Variants in ATF7IP observed in about 807,000 individuals in gnomAD.
The protein encoded by ATF7IP is activating transcription factor 7-interacting protein 1.
ATF7IP carries 23 observed loss-of-function variants against 106.4 expected under a neutral mutation model. The observed-to-expected ratio is 0.22, with a 90% CI of 0.16 to 0.31. ATF7IP has a LOEUF of 0.31. Ranked by LOEUF, ATF7IP falls within the 10% of genes least tolerant of loss-of-function variation. ATF7IP has a pLI of 1.00. For missense variants in ATF7IP, 1,334 were observed against 1,524.3 expected, an observed-to-expected ratio of 0.88 and a Z score of 2.08; for synonymous variants, 542 against 539.0, an observed-to-expected ratio of 1.01 and a Z score of -0.08.
intron 1 of ATF7IP, among the ~76,000 whole-genome samples, chr12:14,395,405 A>T (rs967517619): frequency 6.6e-6 from 1 of 152,316 alleles, no homozygotes; most frequent in East Asian, 1.9e-4. Context: ...GAGATTTTGA[A>T]TGCCACATTT....
In ATF7IP at chr12:14,401,291, G is replaced by A. The variant is rs530047563; in HGVS notation, c.-7-22618G>A. Among the ~76,000 whole-genome samples the A allele has an allele frequency of 3.6e-3, 544 of 152,082 alleles. 2 individuals are homozygous for A. Among genetic ancestry groups the A allele is most frequent in the African/African-American group, 0.012 (515 of 41,462 alleles). Reference sequence around the variant, plus strand: ...GCTCACTGCAACCTCCGCCTCCTGGGGTTCAAGTGATTCTCCTGCCTCAGC... The same window carrying A: ...GCTCACTGCAACCTCCGCCTCCTGGAGTTCAAGTGATTCTCCTGCCTCAGC... On this transcript the variant is annotated intron_variant, in intron 1 of 14. Coordinates refer to ENST00000261168, the MANE Select transcript of ATF7IP (RefSeq NM_018179.5).
intron 11 of ATF7IP, among the ~76,000 whole-genome samples, chr12:14,477,567 A>G (rs1944301474): frequency 6.6e-6 from 1 of 152,222 alleles, no homozygotes; most frequent in Non-Finnish European, 1.5e-5. Flanking sequence ...CCTAGCATCC[A>G]TGCCTCATGG....
intron 1 of ATF7IP, among the ~76,000 whole-genome samples, chr12:14,387,987 C>A (rs951812102): frequency 6.6e-6 from 1 of 151,250 alleles, no homozygotes; most frequent in Non-Finnish European, 1.5e-5. Context: ...GAGCTTATTC[C>A]ATTTTCTTTC....
intron 1 of ATF7IP, among the ~76,000 whole-genome samples, chr12:14,376,408 T>C (rs1426271223): frequency 6.6e-6 from 1 of 152,264 alleles, no homozygotes; most frequent in East Asian, 1.9e-4. Flanking sequence ...TTTTCATGTT[T>C]TCTTTAGCCA....
At chr12:14,456,944 G>C (rs965365034) in intron 7 of ATF7IP, among the ~76,000 whole-genome samples, 2 of 152,158 alleles carry the variant, frequency 1.3e-5, no homozygotes, top group Non-Finnish European at 2.9e-5. Flanking sequence ...TATATATTAG[G>C]ACCTACTTTT....
intron 14 of ATF7IP, among the ~76,000 whole-genome samples, chr12:14,497,085 G>T (rs888223706): frequency 6.6e-6 from 1 of 152,072 alleles, no homozygotes; most frequent in Non-Finnish European, 1.5e-5. Context: ...TGGCTGAAAG[G>T]TACATGATTA....
chr12:14,459,030 C>CATG (rs1943543037), intron 8 of ATF7IP, among the ~76,000 whole-genome samples: 1 of 152,124 alleles, frequency 6.6e-6, no homozygotes, highest in Admixed American at 6.6e-5. Flanking sequence ...AGGGAGCTGT[C>CATG]ATGCTTTCAA....
At chr12:14,455,389 C>T (rs1030161223) in intron 6 of ATF7IP, among the ~76,000 whole-genome samples, 9 of 151,994 alleles carry the variant, frequency 5.9e-5, no homozygotes, top group African/African-American at 9.7e-5. Flanking sequence ...TCCCTCTACA[C>T]GTATCTAATG....
At chr12:14,470,372 A>G (rs1943993747) in intron 10 of ATF7IP, among the ~76,000 whole-genome samples, 1 of 152,190 alleles carries the variant, frequency 6.6e-6, no homozygotes, top group Non-Finnish European at 1.5e-5. Flanking sequence ...TACTGTTAAA[A>G]ACTATTTGAT....
rs1368430444 is a variant in ATF7IP, at chr12:14,499,458, T to G, written c.*1385T>G. ...TCTAGTTCAGTTTATCACCCAAAGC[T>G]ATCACCCAACACTAACTCCTTAGTA... On this transcript the variant is annotated 3_prime_UTR_variant, in exon 15 of 15. Transcript: ENST00000261168. 1 of 152,220 alleles carries G rather than the reference T, an allele frequency of 6.6e-6. No individual in the cohort carries two copies. The highest frequency in any genetic ancestry group is 1.5e-5 in the Non-Finnish European group (1 of 68,040). 9.4% of individuals were successfully genotyped at this position (152,220 alleles called of 1,614,324 possible). A position where few individuals can be genotyped will look rare whatever the true frequency, so the allele number is the denominator to read the frequency against.
chr12:14,377,398 C>T (rs1382443225), intron 1 of ATF7IP, among the ~76,000 whole-genome samples: 1 of 151,366 alleles, frequency 6.6e-6, no homozygotes, highest in Non-Finnish European at 1.5e-5. Context: ...CTGTGTCGCC[C>T]AGGCTGGAAT....
At chr12:14,489,309 A>C (rs1944730903) in intron 13 of ATF7IP, among the ~76,000 whole-genome samples, 1 of 152,140 alleles carries the variant, frequency 6.6e-6, no homozygotes, top group Non-Finnish European at 1.5e-5. Flanking sequence ...AGCCAACACT[A>C]ACTCCCTTGT....
At chr12:14,386,458 C>G (rs1039191238) in intron 1 of ATF7IP, among the ~76,000 whole-genome samples, 1 of 152,014 alleles carries the variant, frequency 6.6e-6, no homozygotes, top group African/African-American at 2.4e-5. Flanking sequence ...AAGAATATAT[C>G]CCTGACTTAT....
chr12:14,425,155 G>C lies in ATF7IP; in HGVS notation c.1240G>C (p.Val414Leu). 6.3e-7 allele frequency: 1 copy of C among 1,593,358 alleles called. No homozygotes were observed. Among genetic ancestry groups the C allele is most frequent in the African/African-American group, 1.4e-5 (1 of 73,498 alleles). Reference sequence around the variant, plus strand: ...TCTTGTAGAAACGATTAATGAAAATGTTATTGAAGATAACAAAAGTGAGAA... The same window carrying C: ...TCTTGTAGAAACGATTAATGAAAATCTTATTGAAGATAACAAAAGTGAGAA... ...ADLVETINEN[V>L]IEDNKSENIL... The change falls in exon 2 of 15, where the codon GTT becomes CTT. Residue 414 changes from valine to leucine, a missense_variant. Val to Leu is a conservative substitution (Grantham distance 32). Around this residue, in one of 10 missense-constraint regions of ATF7IP, gnomAD observed 438 missense variants for 405.3 expected, o/e 1.08. Transcript: ENST00000261168.
In ATF7IP at chr12:14,423,972, A is replaced by G. The variant is rs201779105; in HGVS notation, c.57A>G (p.Arg19=). The G allele has an allele frequency of 1.2e-6, 2 of 1,613,942 alleles. No individual in the cohort carries two copies. Among genetic ancestry groups the G allele is most frequent in the East Asian group, 4.5e-5 (2 of 44,876 alleles). Residue 19 remains arginine (R), a synonymous_variant, in exon 2 of 15, where the codon AGA becomes AGG. Transcript: ENST00000261168. ...KKVFKARKTM[R]VSDRQQLEAV... is the part of the protein sequence containing the mutation. ...TCTTTAAGGCTCGAAAAACGATGAGAGTGAGTGATCGTCAGCAACTTGAAG... is the reference window on the plus strand; with the variant it reads ...TCTTTAAGGCTCGAAAAACGATGAGGGTGAGTGATCGTCAGCAACTTGAAG...
chr12:14,408,379 C>T lies in ATF7IP; in HGVS notation c.-7-15530C>T, dbSNP rs1231478523. ...ATTGTTTCTATTTTTAGGCTGTTGC[C>T]AGGCAGATTTAAAATTTCTTCTCTT... On this transcript the variant is annotated intron_variant, in intron 1 of 14. Transcript: ENST00000261168. The T allele has an allele frequency of 1.3e-5, 2 of 152,006 alleles. 1 individual carries two copies. The highest frequency in any genetic ancestry group is 4.8e-5 in the African/African-American group (2 of 41,380). 9.4% of individuals were successfully genotyped at this position (152,006 alleles called of 1,614,324 possible). A position where few individuals can be genotyped will look rare whatever the true frequency, so the allele number is the denominator to read the frequency against.
intron 1 of ATF7IP, among the ~76,000 whole-genome samples, chr12:14,413,431 A>G (rs1451916972): frequency 6.6e-6 from 1 of 152,178 alleles, no homozygotes; most frequent in East Asian, 1.9e-4. Flanking sequence ...TGGCATCTCC[A>G]TTTTCAAAGA....
chr12:14,386,985 A>C (rs1939275447), intron 1 of ATF7IP, among the ~76,000 whole-genome samples: 1 of 152,158 alleles, frequency 6.6e-6, no homozygotes, highest in African/African-American at 2.4e-5. Flanking sequence ...TTTTTTAAAC[A>C]AAATAATTGT....
intron 1 of ATF7IP, among the ~76,000 whole-genome samples, chr12:14,378,946 CTT>C: frequency 6.6e-6 from 1 of 152,290 alleles, no homozygotes; most frequent in East Asian, 1.9e-4. Context: ...ACATTTAGTT[CTT>C]GAGTGTCATT....
Sources: allele counts gnomAD v4.1 joint callset (sites outside exome capture counted in the v4.1 genomes callset), GRCh38; gene constraint gnomAD v4.1.1; regional missense constraint gnomAD v4.1.1; transcripts MANE v1.5; gene names NCBI Gene and HGNC (gene_info 2026-07-23, HGNC 2026-07-21).